Variants in NPHP1 observed in about 807,000 individuals in gnomAD.
The protein encoded by NPHP1 is nephrocystin 1.
NPHP1 carries 70 observed loss-of-function variants against 90.4 expected under a neutral mutation model. The ratio of observed to expected loss-of-function variants is 0.77; its 90% CI spans 0.64 to 0.95. The LOEUF (loss-of-function observed/expected upper bound fraction) is 0.95. Among genes scored for constraint, NPHP1 ranks in the 40% least tolerant of loss-of-function variants. NPHP1 has a pLI of 0.00. For missense variants in NPHP1, 764 were observed against 795.9 expected, an observed-to-expected ratio of 0.96 and a Z score of 0.48; for synonymous variants, 256 against 271.7, an observed-to-expected ratio of 0.94 and a Z score of 0.57.
At chr2:110,203,004 A>G (rs935679329) in intron 1 of NPHP1, among the ~76,000 whole-genome samples, 8 of 152,190 alleles carry the variant, frequency 5.3e-5, no homozygotes, top group Admixed American at 5.2e-4. Context: ...CACAATAGCA[A>G]AGACATGGAA....
intron 16 of NPHP1, among the ~76,000 whole-genome samples, chr2:110,135,088 A>G (rs1680070349): frequency 1.3e-5 from 2 of 152,190 alleles, no homozygotes; most frequent in Non-Finnish European, 2.9e-5. Flanking sequence ...ATAAATGACT[A>G]GCAAAGTTGC....
At chr2:110,164,465 T>C (rs1429277935) in intron 8 of NPHP1, 2 of 856,574 alleles carry the variant, frequency 2.3e-6, no homozygotes, top group African/African-American at 1.7e-5. Context: ...AGTGACACCA[T>C]GAATTATCTA....
At chr2:110,160,392 C>T (rs931509111) in intron 10 of NPHP1, 137 bp from the exon 11 acceptor site, 4 of 631,814 alleles carry the variant, frequency 6.3e-6, no homozygotes, top group African/African-American at 5.6e-5. Context: ...ATAAAAGTTT[C>T]AATACTCTGT....
chr2:110,203,615 A>G (rs1685719025), intron 1 of NPHP1, among the ~76,000 whole-genome samples: 2 of 152,136 alleles, frequency 1.3e-5, no homozygotes, highest in Admixed American at 1.3e-4. Flanking sequence ...ACAAAAATGG[A>G]TAAAATATGA....
At chr2:110,160,330 T>C (rs970974228) in intron 10 of NPHP1, 75 bp from the exon 11 acceptor site, 2 of 1,240,120 alleles carry the variant, frequency 1.6e-6, no homozygotes, top group Non-Finnish European at 1.2e-6. Context: ...TGAATTCGGC[T>C]TATGAAAATG....
chr2:110,140,619 T>C (rs1295281021), intron 16 of NPHP1, among the ~76,000 whole-genome samples: 3 of 152,086 alleles, frequency 2.0e-5, no homozygotes, highest in Non-Finnish European at 4.4e-5. Context: ...TCTTGGAAGC[T>C]TATCAACAAG....
At chr2:110,191,582 C>T (rs1684744629) in intron 2 of NPHP1, among the ~76,000 whole-genome samples, 1 of 152,192 alleles carries the variant, frequency 6.6e-6, no homozygotes, top group African/African-American at 2.4e-5. Flanking sequence ...CCTCTGGGGA[C>T]AGGGCATAGC....
chr2:110,151,963 C>T (rs1023120146), intron 11 of NPHP1, among the ~76,000 whole-genome samples: 2 of 152,090 alleles, frequency 1.3e-5, no homozygotes, highest in African/African-American at 4.8e-5. Flanking sequence ...AATTTTATAT[C>T]TTTCTTGACA....
In NPHP1 at chr2:110,183,624, C is replaced by T. The variant is rs150037948; in HGVS notation, c.144-3940G>A. Among the ~76,000 whole-genome samples, 35 of 152,150 alleles carry T rather than the reference C, an allele frequency of 2.3e-4. 1 individual carries two copies. In the East Asian group the frequency reaches 3.7e-3, roughly 16 times the overall value. On this transcript the variant is annotated intron_variant, in intron 2 of 19. Transcript: ENST00000445609. Reference sequence around the variant, plus strand: ...GCCGCTGGGTTAGGGTCTCCATGACCGAGCTGGTCTCGGCAACCCAGATTC... The same window carrying T: ...GCCGCTGGGTTAGGGTCTCCATGACTGAGCTGGTCTCGGCAACCCAGATTC...
intron 3 of NPHP1, among the ~76,000 whole-genome samples, chr2:110,179,324 T>G (rs974406425): frequency 1.3e-5 from 2 of 152,164 alleles, no homozygotes. Flanking sequence ...AAAATAATTC[T>G]AAACTGTAAA....
chr2:110,190,500 G>A (rs559468924), intron 2 of NPHP1, among the ~76,000 whole-genome samples: 90 of 152,280 alleles, frequency 5.9e-4, no homozygotes, highest in African/African-American at 1.9e-3. Flanking sequence ...CAGAGTCCAC[G>A]GAGCCCACGC....
chr2:110,140,605 G>A (rs945456778), intron 16 of NPHP1, among the ~76,000 whole-genome samples: 5 of 152,062 alleles, frequency 3.3e-5, no homozygotes, highest in Non-Finnish European at 7.4e-5. Context: ...GAGTGCTTCC[G>A]GACTCTTGGA....
At chr2:110,162,873 A>G (rs1300138591) in intron 9 of NPHP1, among the ~76,000 whole-genome samples, 175 bp downstream of exon 9, 1 of 152,158 alleles carries the variant, frequency 6.6e-6, no homozygotes, top group Non-Finnish European at 1.5e-5. Flanking sequence ...CTGGCCTCTG[A>G]TAGGATCAGG....
chr2:110,178,464 C>T lies in NPHP1; in HGVS notation c.288G>A (p.Leu96=), dbSNP rs758059337. ...HTLLDKLTQQ[L]QGLAVTISRE... ...TGCTTATTGTCACAGCAAGGCCCTGCAGTTGTTGGGTAAGCTTGTCCAAAA... is the reference window on the plus strand; with the variant it reads ...TGCTTATTGTCACAGCAAGGCCCTGTAGTTGTTGGGTAAGCTTGTCCAAAA... Residue 96 remains leucine (L), a synonymous_variant, in exon 4 of 20, where the codon CTG becomes CTA. Coordinates refer to ENST00000445609, the MANE Select transcript of NPHP1 (RefSeq NM_001128178.3). 6.2e-7 allele frequency: 1 copy of T among 1,613,870 alleles called. No homozygotes were observed. Among genetic ancestry groups the T allele is most frequent in the Non-Finnish European group, 8.5e-7 (1 of 1,179,840 alleles).
At chr2:110,140,477 T>G in intron 16 of NPHP1, among the ~76,000 whole-genome samples, 1 of 152,134 alleles carries the variant, frequency 6.6e-6, no homozygotes, top group Non-Finnish European at 1.5e-5. Flanking sequence ...GGGGCTGCCT[T>G]GCTAACTTCT....
intron 14 of NPHP1, 29 bp downstream of exon 14, chr2:110,146,724 C>A: frequency 1.3e-6 from 2 of 1,488,340 alleles, no homozygotes; most frequent in Non-Finnish European, 1.9e-6. Context: ...CAGAAGTATT[C>A]ATTCGTTAGG....
chr2:110,165,167 T>C lies in NPHP1; in HGVS notation c.625-12A>G, dbSNP rs1248369698. ...TCTTCACTATAAGGCTAAAAAACCA[T>C]TGAAATGTGAAGTGCTTTTTAACTA... On this transcript the variant is annotated splice_polypyrimidine_tract_variant and intron_variant, in intron 6 of 19. Transcript: ENST00000445609. 3 of 1,600,082 alleles carry C rather than the reference T, an allele frequency of 1.9e-6. No homozygotes were observed. The highest frequency in any genetic ancestry group is 1.7e-6 in the Non-Finnish European group (2 of 1,167,656).
At chr2:110,177,687 T>G (rs1683597003) in intron 4 of NPHP1, among the ~76,000 whole-genome samples, 1 of 152,072 alleles carries the variant, frequency 6.6e-6, no homozygotes, top group Non-Finnish European at 1.5e-5. Flanking sequence ...TTTACAACTT[T>G]CAGAAGCTAT....
chr2:110,147,176 C>A (rs1280973844), intron 13 of NPHP1, among the ~76,000 whole-genome samples: 1 of 152,068 alleles, frequency 6.6e-6, no homozygotes, highest in African/African-American at 2.4e-5. Context: ...ACCTTTGTTT[C>A]ACTGACAGAT....
Sources: allele counts gnomAD v4.1 joint callset (sites outside exome capture counted in the v4.1 genomes callset), GRCh38; gene constraint gnomAD v4.1.1; transcripts MANE v1.5; gene names NCBI Gene and HGNC (gene_info 2026-07-23, HGNC 2026-07-21).